The following IGF2BP3 variants were observed in gnomAD, a reference collection of about 807,000 sequenced individuals.
IGF2BP3 encodes insulin like growth factor 2 mRNA binding protein 3, also known as insulin-like growth factor 2 mRNA-binding protein 3.
Under a neutral mutation model 73.8 loss-of-function variants are expected in IGF2BP3, and 9 were observed. That is an observed-to-expected ratio of 0.12 (90% CI 0.07 to 0.21). IGF2BP3 has a LOEUF of 0.21. IGF2BP3 is among the 10% of genes least tolerant of loss of function. The pLI is 1.00. For synonymous variants in IGF2BP3, 258 were observed against 256.7 expected (o/e 1.01, Z -0.05); for missense variants, 542 against 714.0 (o/e 0.76, Z 2.75).
intron 2 of IGF2BP3, among the ~76,000 whole-genome samples, chr7:23,460,268 C>T (rs1788418332): frequency 6.6e-6 from 1 of 150,648 alleles, no homozygotes; most frequent in Non-Finnish European, 1.5e-5. Context: ...TGGCCAGGAG[C>T]GGTAGTCCCA....
intron 12 of IGF2BP3, among the ~76,000 whole-genome samples, chr7:23,315,214 T>C (rs982550336): frequency 6.6e-6 from 1 of 152,028 alleles, no homozygotes; most frequent in African/African-American, 2.4e-5. Flanking sequence ...TTCAAGTGAC[T>C]CTCCTGCCTC....
intron 3 of IGF2BP3, among the ~76,000 whole-genome samples, chr7:23,411,980 TTC>T (rs1307846640): frequency 6.0e-5 from 9 of 149,988 alleles, no homozygotes; most frequent in African/African-American, 7.5e-5. Context: ...TCCCACTTAT[TTC>T]TCTTTTTTTT....
chr7:23,426,418 T>C (rs1455186898), intron 2 of IGF2BP3, among the ~76,000 whole-genome samples: 2 of 151,916 alleles, frequency 1.3e-5, no homozygotes. Context: ...ATCTAGTCAG[T>C]ACTCAAATTT....
Position 23,470,136 on chromosome 7 carries a change from A to C in IGF2BP3, c.-26T>G. On this transcript the variant is annotated 5_prime_UTR_variant, in exon 1 of 15. The change creates a new upstream start codon in the 5' untranslated region. Coordinates refer to ENST00000258729, the MANE Select transcript of IGF2BP3 (RefSeq NM_006547.3). Reference sequence around the variant, plus strand: ...TGTGAAGAGTGGTTGTTTAAAAAAAAATAACGAGAAAAAACGAAAAATTAA... The same window carrying C: ...TGTGAAGAGTGGTTGTTTAAAAAAACATAACGAGAAAAAACGAAAAATTAA... The C allele has an allele frequency of 6.4e-7, 1 of 1,563,608 alleles. No individual in the cohort carries two copies. Among genetic ancestry groups the C allele is most frequent in the Non-Finnish European group, 8.7e-7 (1 of 1,156,012 alleles).
At chr7:23,401,295 G>T (rs1025731887) in intron 3 of IGF2BP3, among the ~76,000 whole-genome samples, 2 of 152,150 alleles carry the variant, frequency 1.3e-5, no homozygotes, top group Non-Finnish European at 2.9e-5. Context: ...CGGGCCCCCT[G>T]CTGAGGGGGT....
chr7:23,332,145 TGG>T (rs1403492792), intron 10 of IGF2BP3, among the ~76,000 whole-genome samples: 1 of 152,130 alleles, frequency 6.6e-6, no homozygotes, highest in Non-Finnish European at 1.5e-5. Context: ...GAGATTTGGG[TGG>T]GGACACAGCC....
At chr7:23,352,982 GAAAAT>G (rs1317286354) in intron 5 of IGF2BP3, among the ~76,000 whole-genome samples, 3 of 151,908 alleles carry the variant, frequency 2.0e-5, no homozygotes, top group Non-Finnish European at 2.9e-5. Flanking sequence ...TTTCAGAAGG[GAAAAT>G]AATAAACTAG....
chr7:23,334,203 CTG>C (rs1784515515), intron 10 of IGF2BP3, among the ~76,000 whole-genome samples: 1 of 152,100 alleles, frequency 6.6e-6, no homozygotes, highest in Admixed American at 6.6e-5. Context: ...GGGCACGTGA[CTG>C]TAATTCCAGC....
intron 10 of IGF2BP3, among the ~76,000 whole-genome samples, chr7:23,326,191 A>G (rs1388727701): frequency 3.3e-5 from 5 of 152,238 alleles, no homozygotes; most frequent in Non-Finnish European, 7.3e-5. Flanking sequence ...AATATCCAGA[A>G]TCTACAATGA....
chr7:23,392,449 T>TAC lies in IGF2BP3; in HGVS notation c.285+26326_285+26327insGT, dbSNP rs574350834. On this transcript the variant is annotated intron_variant, in intron 3 of 14. Transcript: ENST00000258729. ...GCTTATCATCATATATATATATATA[T>TAC]ATACACACACACACATATATATGTA... Among the ~76,000 whole-genome samples, 363 of 148,096 alleles carry TAC rather than the reference T, an allele frequency of 2.5e-3. 9 individuals are homozygous for TAC. The East Asian group carries it at 0.025, about 10-fold the overall frequency.
At chr7:23,372,008 T>G (rs1562707858) in intron 3 of IGF2BP3, among the ~76,000 whole-genome samples, 1 of 152,198 alleles carries the variant, frequency 6.6e-6, no homozygotes, top group African/African-American at 2.4e-5. Context: ...TGATTTTTAT[T>G]TTTAATTTAT....
At chr7:23,362,861 T>A (rs1785266926) in intron 3 of IGF2BP3, among the ~76,000 whole-genome samples, 1 of 152,072 alleles carries the variant, frequency 6.6e-6, no homozygotes. Context: ...TTAAGTGATC[T>A]TCTCACCTCA....
At chr7:23,379,283 A>G (rs1052641629) in intron 3 of IGF2BP3, among the ~76,000 whole-genome samples, 2 of 152,192 alleles carry the variant, frequency 1.3e-5, no homozygotes, top group African/African-American at 4.8e-5. Flanking sequence ...TGTGTATTCA[A>G]GATAAAGGCA....
chr7:23,448,852 G>T (rs1367181778), intron 2 of IGF2BP3, among the ~76,000 whole-genome samples: 2 of 151,804 alleles, frequency 1.3e-5, no homozygotes, highest in Non-Finnish European at 2.9e-5. Context: ...AGCTGGTCTC[G>T]ATCTCCTGAC....
At chr7:23,463,952 TC>T (rs1788506622) in intron 2 of IGF2BP3, among the ~76,000 whole-genome samples, 1 of 152,196 alleles carries the variant, frequency 6.6e-6, no homozygotes, top group Non-Finnish European at 1.5e-5. Flanking sequence ...CAAGAAAGTT[TC>T]CTAACATTCA....
intron 3 of IGF2BP3, among the ~76,000 whole-genome samples, chr7:23,409,081 T>C (rs1172789757): frequency 6.6e-6 from 1 of 152,134 alleles, no homozygotes; most frequent in African/African-American, 2.4e-5. Flanking sequence ...CAGTTCACAA[T>C]AGGGTATGCA....
At chr7:23,454,474 C>G (rs145233746) in intron 2 of IGF2BP3, among the ~76,000 whole-genome samples, 26 of 152,318 alleles carry the variant, frequency 1.7e-4, no homozygotes, top group African/African-American at 5.8e-4. Flanking sequence ...CCATTTTCCA[C>G]TACCACATGG....
At chr7:23,405,211 A>T (rs1349010501) in intron 3 of IGF2BP3, 2 of 152,258 alleles carry the variant, frequency 1.3e-5, no homozygotes, top group Non-Finnish European at 2.9e-5. Flanking sequence ...ATCAAAAAAC[A>T]ATATTCAAAG....
At position 23,312,020 on chromosome 7, in the gene IGF2BP3, T is replaced by C; in HGVS notation, c.*342A>G. 4.8e-6 allele frequency: 1 copy of C among 209,268 alleles called. No individual in the cohort carries two copies. Among genetic ancestry groups the C allele is most frequent in the East Asian group, 1.1e-4 (1 of 9,518 alleles). 13.0% of individuals were successfully genotyped at this position (209,268 alleles called of 1,614,324 possible). ...TTTAGTGAAAGCATCATTAAGCCAA[T>C]TTCTGGCATTATGGGGGAATATTAA... is the stretch of plus-strand genomic sequence containing the variant. On this transcript the variant is annotated 3_prime_UTR_variant, in exon 15 of 15. Coordinates refer to ENST00000258729, the MANE Select transcript of IGF2BP3 (RefSeq NM_006547.3).
Sources: gnomAD v4.1 joint callset for allele counts (sites outside exome capture counted in the v4.1 genomes callset) on GRCh38, gnomAD v4.1.1 for gene constraint, MANE v1.5 for transcripts, NCBI Gene and HGNC (gene_info 2026-07-23, HGNC 2026-07-21) for gene names.